Variants in ELMO2 observed in about 807,000 individuals in gnomAD.
ELMO2 encodes engulfment and cell motility protein 2.
ELMO2 carries 37 observed loss-of-function variants against 96.2 expected under a neutral mutation model. The ratio of observed to expected loss-of-function variants is 0.38; its 90% CI spans 0.30 to 0.51. The LOEUF is 0.51. Ranked by LOEUF, ELMO2 falls within the 20% of genes least tolerant of loss-of-function variation. ELMO2 has a pLI of 0.88. For missense variants in ELMO2, 561 were observed against 912.6 expected (o/e 0.61, Z 4.96); for synonymous variants, 315 against 329.4 (o/e 0.96, Z 0.47).
At chr20:46,373,622 C>A in intron 15 of ELMO2, 87 bp from the exon 16 acceptor site, 1 of 1,548,828 alleles carries the variant, frequency 6.5e-7, no homozygotes, top group Non-Finnish European at 8.8e-7. Flanking sequence ...CACCAAAGTC[C>A]CGAGGAACAA....
At chr20:46,368,440 T>C (rs1438119709) in intron 21 of ELMO2, among the ~76,000 whole-genome samples, 1 of 152,148 alleles carries the variant, frequency 6.6e-6, no homozygotes, top group Non-Finnish European at 1.5e-5. Flanking sequence ...AGGAAGGATC[T>C]GTCAAGTTCT....
At chr20:46,396,409 T>A (rs1324480769) in intron 2 of ELMO2, among the ~76,000 whole-genome samples, 1 of 152,232 alleles carries the variant, frequency 6.6e-6, no homozygotes, top group South Asian at 2.1e-4. Flanking sequence ...AGGGTACATA[T>A]GTTTGTATAT....
At chr20:46,406,349 A>G (rs900184189) in intron 1 of ELMO2, among the ~76,000 whole-genome samples, 199 bp downstream of exon 1, 3 of 151,642 alleles carry the variant, frequency 2.0e-5, no homozygotes, top group African/African-American at 7.3e-5. Flanking sequence ...CTCCCTTCCT[A>G]AGGCCCCGGC....
intron 11 of ELMO2, among the ~76,000 whole-genome samples, chr20:46,378,885 CTCCAAAG>C (rs1422997033): frequency 2.6e-5 from 4 of 152,228 alleles, no homozygotes; most frequent in African/African-American, 9.6e-5. Flanking sequence ...AAATGGCAGA[CTCCAAAG>C]TCCATGTTTA....
chr20:46,375,290 C>T lies in ELMO2; in HGVS notation c.1011G>A (p.Gly337=), dbSNP rs1281880545. ...TGTACATGGCTTTGCGTTTTTCGGT[C>T]CCACTCCCAGGGGCATTGCTAGGAT... ...ESDPSNAPGS[G]TEKRKAMYTK... is the part of the protein sequence containing the mutation. Residue 337 remains glycine, a synonymous_variant, in exon 13 of 22, where the codon GGG becomes GGA. Coordinates refer to ENST00000290246, the MANE Select transcript of ELMO2 (RefSeq NM_133171.5). This position sits in a 1 kb window ranked among gnomAD's most constrained non-coding sequence, Gnocchi z 4.6. The T allele has an allele frequency of 6.2e-7, 1 of 1,614,158 alleles. No homozygotes were observed. Among genetic ancestry groups the T allele is most frequent in the Non-Finnish European group, 8.5e-7 (1 of 1,180,040 alleles).
At chr20:46,374,691 A>C in intron 13 of ELMO2, 51 bp from the exon 14 acceptor site, 4 of 1,506,622 alleles carry the variant, frequency 2.7e-6, no homozygotes, top group Non-Finnish European at 3.7e-6. Flanking sequence ...CCGTGTATGC[A>C]GGGACCTGAG....
chr20:46,382,214 G>C (rs2059968906), intron 10 of ELMO2: 1 of 1,289,730 alleles, frequency 7.8e-7, no homozygotes, highest in Non-Finnish European at 1.0e-6. Flanking sequence ...ACAGTGACAG[G>C]CAGGTCTAGA....
intron 10 of ELMO2, 24 bp from the exon 11 acceptor site, chr20:46,380,327 T>C: frequency 6.2e-7 from 1 of 1,605,548 alleles, no homozygotes; most frequent in Non-Finnish European, 8.5e-7. Flanking sequence ...TAAGCAAATA[T>C]AAGGCAGGGT....
chr20:46,390,161 T>A (rs1051497467), intron 6 of ELMO2, among the ~76,000 whole-genome samples: 3 of 151,836 alleles, frequency 2.0e-5, no homozygotes, highest in South Asian at 4.2e-4. Context: ...TCAAAAAAAA[T>A]AAAATAAAAT....
intron 1 of ELMO2, among the ~76,000 whole-genome samples, chr20:46,400,100 T>C (rs1470593305): frequency 1.3e-5 from 2 of 152,214 alleles, no homozygotes; most frequent in East Asian, 3.8e-4. Flanking sequence ...ATCATGTCAC[T>C]GAACTCTAGC....
intron 10 of ELMO2, among the ~76,000 whole-genome samples, chr20:46,383,178 T>G (rs2059986896): frequency 6.6e-6 from 1 of 152,154 alleles, no homozygotes; most frequent in Non-Finnish European, 1.5e-5. Flanking sequence ...CTCTGGCCCT[T>G]TAGAGGAAAA....
chr20:46,375,872 T>C lies in ELMO2; in HGVS notation c.808-82A>G. On this transcript the variant is annotated intron_variant, in intron 11 of 21. Coordinates refer to ENST00000290246, the MANE Select transcript of ELMO2 (RefSeq NM_133171.5). The surrounding 1 kb of genome is among the most constrained non-coding windows in gnomAD (Gnocchi z 4.6). ...CCACATCCATGCTAAGGAAAAGGAA[T>C]GTATGTTGGGAAGGGAACAGAGCTT... 6.4e-7 allele frequency: 1 copy of C among 1,569,462 alleles called. No individual in the cohort carries two copies. The highest frequency in any genetic ancestry group is 8.7e-7 in the Non-Finnish European group (1 of 1,149,992).
At chr20:46,404,764 T>C (rs1346786760) in intron 1 of ELMO2, among the ~76,000 whole-genome samples, 5 of 152,226 alleles carry the variant, frequency 3.3e-5, no homozygotes, top group Non-Finnish European at 5.9e-5. Context: ...ATTAATAATG[T>C]TTTAATATTG....
rs2059831562 is a variant in ELMO2, at chr20:46,375,140, A to ACCAT, written c.1065+92_1065+95dup. On this transcript the variant is annotated intron_variant, in intron 13 of 21. Transcript: ENST00000290246. This position sits in a 1 kb window ranked among gnomAD's most constrained non-coding sequence, Gnocchi z 4.6. Reference sequence around the variant, plus strand: ...CCTAACTGTCATCTATTCCAGGGCCACCATGGGGTTGGTTGTCAGAGCTCT... The same window carrying ACCAT: ...CCTAACTGTCATCTATTCCAGGGCCACCATCCATGGGGTTGGTTGTCAGAGCTCT... 2.0e-6 allele frequency: 3 copies of ACCAT among 1,483,632 alleles called. No homozygotes were observed. In the South Asian group the frequency reaches 3.9e-5, roughly 19 times the overall value. The allele number at this position is 1,483,632 out of a possible 1,614,324, so 91.9% of individuals were successfully genotyped here. A position where few individuals can be genotyped will look rare whatever the true frequency, so the allele number is the denominator to read the frequency against.
intron 9 of ELMO2, among the ~76,000 whole-genome samples, chr20:46,384,551 CAA>C (rs3092726): frequency 2.0e-5 from 3 of 149,806 alleles, no homozygotes; most frequent in South Asian, 2.1e-4. Flanking sequence ...AATTCAGAGA[CAA>C]AAAAAAAAAC....
intron 1 of ELMO2, among the ~76,000 whole-genome samples, chr20:46,401,283 G>A (rs1379537905): frequency 6.6e-6 from 1 of 152,182 alleles, no homozygotes. Flanking sequence ...AGAAAAGGGA[G>A]GATTTGACTG....
chr20:46,391,470 C>T (rs1365671381), intron 6 of ELMO2, among the ~76,000 whole-genome samples: 1 of 152,072 alleles, frequency 6.6e-6, no homozygotes, highest in African/African-American at 2.4e-5. Flanking sequence ...TCACTTCATA[C>T]CTCCCCTCCT....
At chr20:46,383,974 TCAA>T (rs1332498676) in intron 9 of ELMO2, among the ~76,000 whole-genome samples, 1 of 152,172 alleles carries the variant, frequency 6.6e-6, no homozygotes, top group African/African-American at 2.4e-5. Flanking sequence ...TACCAGATTT[TCAA>T]AGGTGTCTAG....
At chr20:46,372,890 A>G (rs2059755118) in intron 16 of ELMO2, 1 of 152,524 alleles carries the variant, frequency 6.6e-6, no homozygotes, top group South Asian at 2.1e-4. Flanking sequence ...TTTTATGATG[A>G]GATGATCAAC....
Sources: allele counts gnomAD v4.1 joint callset (sites outside exome capture counted in the v4.1 genomes callset), GRCh38; gene constraint gnomAD v4.1.1; non-coding constraint Gnocchi (gnomAD v3.1); transcripts MANE v1.5; gene names NCBI Gene and HGNC (gene_info 2026-07-23, HGNC 2026-07-21).